The following ZFPM2 variants were observed in gnomAD, a reference collection of about 807,000 sequenced individuals.
ZFPM2 encodes zinc finger protein, FOG family member 2, also known as zinc finger protein ZFPM2.
In ZFPM2, 20 loss-of-function variants were observed where a neutral mutation model predicts 98.6. The observed-to-expected ratio is 0.20, with a 90% confidence interval of 0.14 to 0.29. The LOEUF is 0.29. ZFPM2 is among the 10% of genes least tolerant of loss of function. The probability of loss-of-function intolerance (pLI) is 1.00; values close to 1 mark genes in which losing one functional copy is unlikely to be tolerated. For synonymous variants in ZFPM2, 518 were observed against 502.7 expected, an observed-to-expected ratio of 1.03 and a Z score of -0.41; for missense variants, 1,310 against 1,388.6, an observed-to-expected ratio of 0.94 and a Z score of 0.90.
intron 2 of ZFPM2, among the ~76,000 whole-genome samples, chr8:105,434,191 A>AT (rs1260144352): frequency 6.6e-6 from 1 of 151,732 alleles, no homozygotes; most frequent in African/African-American, 2.4e-5. Context: ...TGAAATTCTT[A>AT]ATTTTTTTTT....
At chr8:105,697,298 G>T (rs1165273376) in intron 5 of ZFPM2, among the ~76,000 whole-genome samples, 1 of 152,170 alleles carries the variant, frequency 6.6e-6, no homozygotes. Flanking sequence ...TCCAATGTTT[G>T]GTACAATCTT....
intron 5 of ZFPM2, among the ~76,000 whole-genome samples, chr8:105,689,416 A>C (rs1262362540): frequency 1.3e-5 from 2 of 152,226 alleles, no homozygotes; most frequent in African/African-American, 4.8e-5. Flanking sequence ...AAAGGACTTC[A>C]TCAGTTATAA....
intron 5 of ZFPM2, among the ~76,000 whole-genome samples, chr8:105,637,565 G>A (rs754459620): frequency 2.6e-5 from 4 of 151,894 alleles, no homozygotes; most frequent in Admixed American, 6.6e-5. Flanking sequence ...CTTCTACCTG[G>A]GGTTCAGAGG....
chr8:105,434,530 A>G (rs752014726), intron 2 of ZFPM2, among the ~76,000 whole-genome samples: 8 of 152,174 alleles, frequency 5.3e-5, no homozygotes, highest in Non-Finnish European at 1.0e-4. Context: ...CATCTCTTTT[A>G]TGACCTTATC....
At chr8:105,671,845 C>G (rs1817604771) in intron 5 of ZFPM2, among the ~76,000 whole-genome samples, 1 of 152,058 alleles carries the variant, frequency 6.6e-6, no homozygotes, top group Admixed American at 6.6e-5. Context: ...GTTGGCAAAA[C>G]TGAAGCCCAG....
intron 5 of ZFPM2, among the ~76,000 whole-genome samples, chr8:105,753,033 C>T (rs1812513610): frequency 1.3e-5 from 2 of 152,102 alleles, no homozygotes; most frequent in Admixed American, 1.3e-4. Flanking sequence ...TGTGTTGGAA[C>T]TATCTCTGAC....
At chr8:105,569,498 A>G (rs757242159) in intron 4 of ZFPM2, among the ~76,000 whole-genome samples, 1 of 152,132 alleles carries the variant, frequency 6.6e-6, no homozygotes, top group Non-Finnish European at 1.5e-5. Flanking sequence ...TTGCACTTTT[A>G]TTTTAGTCTC....
At chr8:105,495,758 T>C (rs1813454187) in intron 3 of ZFPM2, among the ~76,000 whole-genome samples, 1 of 152,196 alleles carries the variant, frequency 6.6e-6, no homozygotes, top group South Asian at 2.1e-4. Context: ...ATATTGACTG[T>C]TTGCCATGCT....
intron 1 of ZFPM2, among the ~76,000 whole-genome samples, chr8:105,351,775 A>G (rs1812651087): frequency 6.6e-6 from 1 of 151,612 alleles, no homozygotes; most frequent in Non-Finnish European, 1.5e-5. Flanking sequence ...TTTTTTTTTT[A>G]ATATTCAAAT....
At chr8:105,325,152 C>G (rs1160644711) in intron 1 of ZFPM2, among the ~76,000 whole-genome samples, 1 of 151,806 alleles carries the variant, frequency 6.6e-6, no homozygotes, top group Non-Finnish European at 1.5e-5. Flanking sequence ...AGTTCATTCT[C>G]TCATCAAACG....
intron 1 of ZFPM2, among the ~76,000 whole-genome samples, chr8:105,350,781 T>C (rs1050394372): frequency 3.9e-5 from 6 of 152,188 alleles, no homozygotes; most frequent in Non-Finnish European, 7.3e-5. Context: ...GATGTAAAGA[T>C]TGTCATATTC....
chr8:105,633,776 A>G (rs1368229643), intron 4 of ZFPM2, among the ~76,000 whole-genome samples: 1 of 152,190 alleles, frequency 6.6e-6, no homozygotes, highest in African/African-American at 2.4e-5. Flanking sequence ...ATTCAGAATA[A>G]GTTCTTACTC....
chr8:105,625,586 T>C (rs1816636512), intron 4 of ZFPM2, among the ~76,000 whole-genome samples: 1 of 148,824 alleles, frequency 6.7e-6, no homozygotes, highest in South Asian at 2.1e-4. Context: ...GAAAACCTAT[T>C]TTTTTTTTTT....
chr8:105,324,895 A>T (rs912026831), intron 1 of ZFPM2, among the ~76,000 whole-genome samples: 11 of 151,912 alleles, frequency 7.2e-5, no homozygotes, highest in Admixed American at 3.9e-4. Context: ...TGAAGAATAT[A>T]ACATTAGATT....
intron 3 of ZFPM2, among the ~76,000 whole-genome samples, chr8:105,454,914 C>G (rs1199671367): frequency 6.6e-6 from 1 of 152,136 alleles, no homozygotes; most frequent in Non-Finnish European, 1.5e-5. Flanking sequence ...CCTATTTACT[C>G]CTGGCATGAT....
At chr8:105,734,522 T>C (rs1418830619) in intron 5 of ZFPM2, among the ~76,000 whole-genome samples, 5 of 151,888 alleles carry the variant, frequency 3.3e-5, no homozygotes, top group Non-Finnish European at 7.4e-5. Context: ...GATGGTTAAT[T>C]CCTCCATTTT....
intron 3 of ZFPM2, among the ~76,000 whole-genome samples, chr8:105,521,257 A>C (rs2130547727): frequency 6.6e-6 from 1 of 152,198 alleles, no homozygotes; most frequent in South Asian, 2.1e-4. Flanking sequence ...AACTGTGAGC[A>C]ATTTCTAGAA....
chr8:105,703,285 C>A (rs965586365), intron 5 of ZFPM2, among the ~76,000 whole-genome samples: 1 of 152,078 alleles, frequency 6.6e-6, no homozygotes, highest in African/African-American at 2.4e-5. Flanking sequence ...GCTATCCACA[C>A]AAAGATTTAA....
At chr8:105,649,035 G>A (rs1586173272) in intron 5 of ZFPM2, among the ~76,000 whole-genome samples, 1 of 152,086 alleles carries the variant, frequency 6.6e-6, no homozygotes, top group Admixed American at 6.6e-5. Flanking sequence ...CCATTTGTTT[G>A]TGTCCTCTTT....
Sources: allele counts gnomAD v4.1 joint callset (sites outside exome capture counted in the v4.1 genomes callset), GRCh38; gene constraint gnomAD v4.1.1; transcripts MANE v1.5; gene names NCBI Gene and HGNC (gene_info 2026-07-23, HGNC 2026-07-21).